Variants in KCNN4 observed in about 807,000 individuals in gnomAD.
KCNN4 encodes intermediate conductance calcium-activated potassium channel protein 4.
KCNN4 carries 31 observed loss-of-function variants against 45.2 expected under a neutral mutation model. The ratio of observed to expected loss-of-function variants is 0.69; its 90% CI spans 0.52 to 0.92. KCNN4 has a LOEUF of 0.92. Among genes scored for constraint, KCNN4 ranks in the 40% least tolerant of loss-of-function variants. The pLI, the probability that KCNN4 is intolerant of heterozygous loss-of-function variation, is 0.00. For missense variants in KCNN4, 463 were observed against 574.0 expected (o/e 0.81, Z 1.98); for synonymous variants, 231 against 254.6 (o/e 0.91, Z 0.88).
chr19:43,768,670 A>G (rs1190587085), intron 7 of KCNN4, among the ~76,000 whole-genome samples: 1 of 151,866 alleles, frequency 6.6e-6, no homozygotes, highest in African/African-American at 2.4e-5. Context: ...AAGGAATTTT[A>G]TATCCGTCCA....
At chr19:43,780,423 C>G (rs1369474186) in intron 1 of KCNN4, among the ~76,000 whole-genome samples, 3 of 140,844 alleles carry the variant, frequency 2.1e-5, no homozygotes, top group Non-Finnish European at 4.7e-5. Context: ...GTCCAGACCC[C>G]AGCCCCTCCT....
At chr19:43,773,003 G>A (rs1439827874) in intron 3 of KCNN4, among the ~76,000 whole-genome samples, 1 of 152,228 alleles carries the variant, frequency 6.6e-6, no homozygotes, top group Non-Finnish European at 1.5e-5. Flanking sequence ...GATCCTGGAA[G>A]GTGAAGGAGT....
rs1221003015 is a variant in KCNN4 at position 43,780,830 on chromosome 19, G to A, written c.32C>T (p.Ala11Val). MGGDLVLGLG[A>V]LRRRKRLLEQ... is the part of the protein sequence containing the mutation. ...CAGCAAGCGCTTTCGGCGTCTCAAG[G>A]CCCCCAGGCCAAGCACCAGATCCCC... Residue 11 changes from alanine to valine, a missense_variant, in exon 1 of 9, where the codon GCC (alanine) becomes GTC (valine). Around this residue, in one of 3 missense-constraint regions of KCNN4, gnomAD observed 225 missense variants for 240.9 expected, o/e 0.93. Coordinates refer to ENST00000648319, the MANE Select transcript of KCNN4 (RefSeq NM_002250.3). 1.2e-6 allele frequency: 2 copies of A among 1,613,938 alleles called. No individual in the cohort carries two copies. Among genetic ancestry groups the A allele is most frequent in the South Asian group, 2.2e-5 (2 of 91,068 alleles).
At position 43,780,695 on chromosome 19, in the gene KCNN4, C is replaced by G. The variant is rs1180827599; in HGVS notation, c.159+8G>C. On this transcript the variant is annotated splice_region_variant and intron_variant, in intron 1 of 8. Coordinates refer to ENST00000648319, the MANE Select transcript of KCNN4 (RefSeq NM_002250.3). ...AGTCCCAGCTCCCAGCCACCATGCC[C>G]CACTCACCGAGCACCCCCCGAACCA... 1 of 1,612,548 alleles carries G rather than the reference C, an allele frequency of 6.2e-7. No homozygotes were observed. Among genetic ancestry groups the G allele is most frequent in the South Asian group, 1.1e-5 (1 of 91,004 alleles).
At chr19:43,779,847 C>A (rs1178631421) in intron 1 of KCNN4, among the ~76,000 whole-genome samples, 3 of 152,108 alleles carry the variant, frequency 2.0e-5, no homozygotes, top group Admixed American at 2.0e-4. Context: ...CACTGTAAGC[C>A]TACCTCTCCA....
Position 43,772,279 on chromosome 19 carries a change from A to C in KCNN4, c.684-144T>G, listed in dbSNP as rs1291036453. 1 of 877,406 alleles carries C rather than the reference A, an allele frequency of 1.1e-6. No individual in the cohort carries two copies. The highest frequency in any genetic ancestry group is 1.7e-6 in the Non-Finnish European group (1 of 602,318). The allele number at this position is 877,406 out of a possible 1,614,324, so 54.4% of individuals were successfully genotyped here. A position where few individuals can be genotyped will look rare whatever the true frequency, so the allele number is the denominator to read the frequency against. On this transcript the variant is annotated intron_variant, in intron 3 of 8. Coordinates refer to ENST00000648319, the MANE Select transcript of KCNN4 (RefSeq NM_002250.3). The surrounding 1 kb of genome is among the most constrained non-coding windows in gnomAD (Gnocchi z 4.4). ...GTATACACCCATAGTCCTAAGAATC[A>C]CCTGGACAAAAAGCCATTAAGTTCT...
At chr19:43,779,001 C>A (rs1214558299) in intron 1 of KCNN4, among the ~76,000 whole-genome samples, 1 of 152,178 alleles carries the variant, frequency 6.6e-6, no homozygotes, top group Non-Finnish European at 1.5e-5. Flanking sequence ...CAAGACCAGC[C>A]TAGGCAACAA....
chr19:43,773,332 C>A (rs191345844), intron 3 of KCNN4, among the ~76,000 whole-genome samples: 1 of 152,302 alleles, frequency 6.6e-6, no homozygotes, highest in East Asian at 1.9e-4. Flanking sequence ...GATGGTGGAA[C>A]GTGACATGCA....
chr19:43,767,596 T>C lies in KCNN4; in HGVS notation c.1231A>G (p.Ser411Gly), dbSNP rs1218387819. 6.2e-7 allele frequency: 1 copy of C among 1,614,006 alleles called. No homozygotes were observed. The highest frequency in any genetic ancestry group is 2.2e-5 in the East Asian group (1 of 44,890). The change falls in exon 8 of 9, where the codon AGC (serine) becomes GGC (glycine). Residue 411 changes from serine to glycine, a missense_variant. Around this residue, in one of 3 missense-constraint regions of KCNN4, gnomAD observed 129 missense variants for 149.4 expected, o/e 0.86. Transcript: ENST00000648319. ...GKLDALTELL[S>G]TALGPRQLPE... ...AGCTGCCTCGGCCCCAGGGCAGTGCTAAGCAGCTCAGTCAGGGCATCCAGC... is the reference window on the plus strand; with the variant it reads ...AGCTGCCTCGGCCCCAGGGCAGTGCCAAGCAGCTCAGTCAGGGCATCCAGC...
intron 1 of KCNN4, among the ~76,000 whole-genome samples, chr19:43,778,961 A>G (rs1969892747): frequency 6.6e-6 from 1 of 152,158 alleles, no homozygotes; most frequent in African/African-American, 2.4e-5. Context: ...CAGCACTTTG[A>G]GGCAGGAGGA....
Position 43,780,904 on chromosome 19 carries a change from TC to T in KCNN4, c.-44del. ...GGCTCAGCCAGCTTCCTGCCCAGGG[TC>T]CCCCACCTCGCAGCACGCACAGGGC... On this transcript the variant is annotated 5_prime_UTR_variant, in exon 1 of 9. Coordinates refer to ENST00000648319, the MANE Select transcript of KCNN4 (RefSeq NM_002250.3). The T allele has an allele frequency of 6.2e-7, 1 of 1,601,196 alleles. No homozygotes were observed. Among genetic ancestry groups the T allele is most frequent in the Non-Finnish European group, 8.5e-7 (1 of 1,172,302 alleles).
At chr19:43,767,800 C>A (rs1396883703) in intron 7 of KCNN4, 93 bp from the exon 8 acceptor site, 2 of 1,428,698 alleles carry the variant, frequency 1.4e-6, no homozygotes, top group East Asian at 4.6e-5. Context: ...TTGACCACAT[C>A]CTTATGGTCC....
Position 43,776,552 on chromosome 19 carries a change from T to C in KCNN4, c.244A>G (p.Lys82Glu). ...LLCLIVAFHA[K>E]EVQLFMTDNG... Reference sequence around the variant, plus strand: ...GGGGCCTGCCCTACCTGGACCTCTTTGGCATGAAAGGCCACGATGAGGCAG... The same window carrying C: ...GGGGCCTGCCCTACCTGGACCTCTTCGGCATGAAAGGCCACGATGAGGCAG... Residue 82 changes from lysine to glutamate, a missense_variant, in exon 2 of 9, where the codon AAA becomes GAA. Lys to Glu is a moderately conservative substitution (Grantham distance 56). Coordinates refer to ENST00000648319, the MANE Select transcript of KCNN4 (RefSeq NM_002250.3). 6.2e-7 allele frequency: 1 copy of C among 1,612,414 alleles called. No homozygotes were observed. The highest frequency in any genetic ancestry group is 8.5e-7 in the Non-Finnish European group (1 of 1,178,810).
Position 43,767,835 on chromosome 19 carries a change from CTGTT to C in KCNN4, c.1120-132_1120-129del. The C allele has an allele frequency of 3.4e-6, 4 of 1,191,948 alleles. No individual in the cohort carries two copies. In the Admixed American group the frequency reaches 6.0e-5, roughly 18 times the overall value. 73.8% of individuals were successfully genotyped at this position (1,191,948 alleles called of 1,614,324 possible). On this transcript the variant is annotated intron_variant, in intron 7 of 8. Coordinates refer to ENST00000648319, the MANE Select transcript of KCNN4 (RefSeq NM_002250.3). ...CTCTGAGGATTACCCTCGACAATAA[CTGTT>C]ACCATGTATTGACCACCTACCACTT... is the stretch of plus-strand genomic sequence containing the variant.
chr19:43,776,275 G>A lies in KCNN4; in HGVS notation c.255+266C>T, dbSNP rs180799909. On this transcript the variant is annotated intron_variant, in intron 2 of 8. Transcript: ENST00000648319. ...GCAGAGTGGACAGAGGCCTGGGGGC[G>A]GAAGCAGGGCTGCAAGGGCACTCTC... is the stretch of plus-strand genomic sequence containing the variant. 3.9e-4 allele frequency among the ~76,000 whole-genome samples: 60 copies of A among 152,076 alleles called. No homozygotes were observed. The East Asian group carries it at 8.3e-3, about 21-fold the overall frequency.
rs768638140 is a variant in KCNN4, at chr19:43,769,806, C to A, written c.843G>T (p.Leu281=). Residue 281 remains leucine (L), a synonymous_variant, in exon 5 of 9, where the codon CTG becomes CTT. Coordinates refer to ENST00000648319, the MANE Select transcript of KCNN4 (RefSeq NM_002250.3). This position sits in a 1 kb window ranked among gnomAD's most constrained non-coding sequence, Gnocchi z 4.4. ...GVMGVCCTAL[L]VAVVARKLEF... is the part of the protein sequence containing the mutation. Reference sequence around the variant, plus strand: ...CCAGCTTCCGGGCCACCACGGCCACCAGCAGGGCTGTGCAGCAGACACCCT... The same window carrying A: ...CCAGCTTCCGGGCCACCACGGCCACAAGCAGGGCTGTGCAGCAGACACCCT... 5.0e-6 allele frequency: 8 copies of A among 1,613,340 alleles called. No individual in the cohort carries two copies. The highest frequency in any genetic ancestry group is 1.1e-5 in the South Asian group (1 of 91,074).
intron 4 of KCNN4, among the ~76,000 whole-genome samples, chr19:43,770,307 G>A (rs1044848977): frequency 1.3e-5 from 2 of 152,104 alleles, no homozygotes; most frequent in East Asian, 1.9e-4. Context: ...TGGCCTGAAC[G>A]TCTCAGCCTG....
chr19:43,768,463 C>T (rs758374164), intron 7 of KCNN4, among the ~76,000 whole-genome samples: 1 of 152,230 alleles, frequency 6.6e-6, no homozygotes, highest in Non-Finnish European at 1.5e-5. Context: ...AGCTGAGTCA[C>T]GCCTTGGCCA....
intron 1 of KCNN4, among the ~76,000 whole-genome samples, chr19:43,780,285 T>C (rs1210887604): frequency 6.6e-6 from 1 of 151,842 alleles, no homozygotes; most frequent in Non-Finnish European, 1.5e-5. Context: ...AGCAACTGTC[T>C]CCTGGGAGCA....
Sources: allele counts gnomAD v4.1 joint callset (sites outside exome capture counted in the v4.1 genomes callset), GRCh38; gene constraint gnomAD v4.1.1; regional missense constraint gnomAD v4.1.1; non-coding constraint Gnocchi (gnomAD v3.1); transcripts MANE v1.5; gene names NCBI Gene and HGNC (gene_info 2026-07-23, HGNC 2026-07-21).